CCDC57: variants seen among roughly 807,000 people sequenced by gnomAD.
CCDC57 encodes coiled-coil domain containing 57.
CCDC57 carries 118 observed loss-of-function variants against 118.9 expected under a neutral mutation model. The observed-to-expected ratio is 0.99, with a 90% CI of 0.86 to 1.16. CCDC57 has a LOEUF of 1.16. Ranked by LOEUF, CCDC57 falls within the 50% of genes most tolerant of loss-of-function variation. The probability of loss-of-function intolerance (pLI) is 0.00; values close to 1 mark genes in which losing one functional copy is unlikely to be tolerated. For missense variants in CCDC57, 1,300 were observed against 1,320.7 expected (o/e 0.98, Z 0.24); for synonymous variants, 527 against 532.9 (o/e 0.99, Z 0.15).
chr17:82,121,398 G>A (rs1055169656), intron 19 of CCDC57, among the ~76,000 whole-genome samples: 1 of 152,126 alleles, frequency 6.6e-6, no homozygotes, highest in African/African-American at 2.4e-5. Flanking sequence ...GGCTCTCGAG[G>A]ACATGACCTC....
At chr17:82,158,770 C>G (rs548572465) in intron 14 of CCDC57, among the ~76,000 whole-genome samples, 1 of 151,924 alleles carries the variant, frequency 6.6e-6, no homozygotes, top group Non-Finnish European at 1.5e-5. Flanking sequence ...GTTGCTTAGG[C>G]TGGTCTCAAA....
chr17:82,204,861 C>T (rs759473400), intron 2 of CCDC57, among the ~76,000 whole-genome samples: 5 of 152,252 alleles, frequency 3.3e-5, no homozygotes, highest in East Asian at 1.9e-4. Context: ...GTCGCTGCCA[C>T]GTGCCCTCAG....
intron 11 of CCDC57, among the ~76,000 whole-genome samples, chr17:82,175,990 C>A (rs1160457130): frequency 6.6e-6 from 1 of 152,200 alleles, no homozygotes; most frequent in Non-Finnish European, 1.5e-5. Context: ...TGGTCAAGAT[C>A]TAAAGTTTAT....
At chr17:82,207,404 G>A (rs1174744900) in intron 2 of CCDC57, among the ~76,000 whole-genome samples, 3 of 151,738 alleles carry the variant, frequency 2.0e-5, no homozygotes, top group African/African-American at 4.8e-5. Context: ...ACAAGATTCT[G>A]ACCTTCCCCA....
At chr17:82,162,175 A>C (rs2043422178) in intron 14 of CCDC57, among the ~76,000 whole-genome samples, 1 of 151,780 alleles carries the variant, frequency 6.6e-6, no homozygotes, top group African/African-American at 2.4e-5. Context: ...AATTTTTTGT[A>C]TTTTATAGAG....
intron 19 of CCDC57, among the ~76,000 whole-genome samples, chr17:82,106,759 G>A (rs1448808382): frequency 1.3e-5 from 2 of 152,230 alleles, no homozygotes; most frequent in African/African-American, 4.8e-5. Context: ...GTGTTTAGAC[G>A]ACTCGTGGTC....
At chr17:82,171,463 G>A (rs1599125049) in intron 13 of CCDC57, among the ~76,000 whole-genome samples, 1 of 149,498 alleles carries the variant, frequency 6.7e-6, no homozygotes, top group African/African-American at 2.5e-5. Context: ...GCCAGGGCAC[G>A]TGGGCTCCGG....
chr17:82,169,612 G>A (rs762504699), intron 13 of CCDC57, among the ~76,000 whole-genome samples: 1 of 152,184 alleles, frequency 6.6e-6, no homozygotes, highest in Non-Finnish European at 1.5e-5. Context: ...GCTCGGTGAT[G>A]CTGGGGAGGC....
chr17:82,186,303 G>C (rs113222424), intron 8 of CCDC57, among the ~76,000 whole-genome samples: 1 of 152,140 alleles, frequency 6.6e-6, no homozygotes, highest in Non-Finnish European at 1.5e-5. Flanking sequence ...GACAGAAAAC[G>C]AAAAGACATT....
intron 8 of CCDC57, 85 bp from the exon 8 acceptor site, chr17:82,184,017 G>GCGCGCGCA: frequency 4.8e-6 from 1 of 207,916 alleles, no homozygotes; most frequent in South Asian, 4.5e-5. Flanking sequence ...AAATACACAT[G>GCGCGCGCA]CGCGCGCGCG....
chr17:82,147,540 GATACATTAA>G (rs2040930234), intron 16 of CCDC57, among the ~76,000 whole-genome samples: 1 of 147,858 alleles, frequency 6.8e-6, no homozygotes, highest in African/African-American at 2.5e-5. Context: ...CGGATGGATG[GATACATTAA>G]TAGATGGATG....
intron 1 of CCDC57, among the ~76,000 whole-genome samples, chr17:82,210,989 G>A (rs1177654791): frequency 3.8e-5 from 4 of 105,244 alleles, no homozygotes; most frequent in East Asian, 5.5e-4. Flanking sequence ...GAGAGACTCC[G>A]TCTTAAAAAA....
At chr17:82,197,753 A>G (rs2048490315) in intron 4 of CCDC57, among the ~76,000 whole-genome samples, 1 of 152,098 alleles carries the variant, frequency 6.6e-6, no homozygotes, top group Middle Eastern at 3.2e-3. Context: ...CAATCCACTG[A>G]GGGCCTGAAT....
chr17:82,212,708 G>C lies in CCDC57; in HGVS notation c.-211+77C>G, dbSNP rs2050254017. ...GTCCGACAGGACGGCAGCTGCTGGG[G>C]TTTTCTACAGGAAGAGTGGTCGGAG... On this transcript the variant is annotated intron_variant, in intron 1 of 19. Transcript: ENST00000665763. This position sits in a 1 kb window ranked among gnomAD's most constrained non-coding sequence, Gnocchi z 4.1. The C allele has an allele frequency of 6.6e-6, 1 of 152,140 alleles. No homozygotes were observed. The highest frequency in any genetic ancestry group is 1.5e-5 in the Non-Finnish European group (1 of 68,012). 9.4% of individuals were successfully genotyped at this position (152,140 alleles called of 1,614,324 possible).
chr17:82,198,699 G>A (rs140392743), intron 3 of CCDC57, among the ~76,000 whole-genome samples: 374 of 151,916 alleles, frequency 2.5e-3, no homozygotes, highest in African/African-American at 8.4e-3. Flanking sequence ...ACCAAAAACC[G>A]GAAAGATCTG....
chr17:82,115,792 CTTTT>C (rs35213711), intron 19 of CCDC57, among the ~76,000 whole-genome samples: 1 of 65,664 alleles, frequency 1.5e-5, no homozygotes, highest in Non-Finnish European at 2.8e-5. Flanking sequence ...TTTATGCAAC[CTTTT>C]TTTTTTTTTT....
intron 11 of CCDC57, 49 bp downstream of exon 10, chr17:82,178,425 C>A (rs965151814): frequency 6.5e-7 from 1 of 1,538,358 alleles, no homozygotes; most frequent in South Asian, 1.2e-5. Flanking sequence ...CCTATTTTCC[C>A]ACCGCTGCTG....
At chr17:82,158,064 C>T (rs2042889570) in intron 14 of CCDC57, 116 bp from the exon 14 acceptor site, 2 of 1,452,028 alleles carry the variant, frequency 1.4e-6, no homozygotes, top group East Asian at 2.5e-5. Context: ...AGCCCGGGGT[C>T]AGGGCCTCCT....
chr17:82,107,627 G>A, intron 19 of CCDC57: 1 of 469,858 alleles, frequency 2.1e-6, no homozygotes, highest in South Asian at 1.5e-5. Context: ...GGGCCCTGTT[G>A]TGACAGGAGA....
Sources: allele counts gnomAD v4.1 joint callset (sites outside exome capture counted in the v4.1 genomes callset), GRCh38; gene constraint gnomAD v4.1.1; non-coding constraint Gnocchi (gnomAD v3.1); transcripts MANE v1.5; gene names NCBI Gene and HGNC (gene_info 2026-07-23, HGNC 2026-07-21).